Variants in SCUBE1 observed in about 807,000 individuals in gnomAD.
The protein encoded by SCUBE1 is signal peptide, CUB domain and EGF like domain containing 1.
In SCUBE1, 59 loss-of-function variants were observed where a neutral mutation model predicts 124.4. The observed-to-expected ratio is 0.47, with a 90% CI of 0.38 to 0.59. The LOEUF is 0.59. SCUBE1 is among the 20% of genes least tolerant of loss of function. SCUBE1 has a pLI of 0.00. For missense variants in SCUBE1, 1,150 were observed against 1,371.2 expected (o/e 0.84, Z 2.55); for synonymous variants, 545 against 550.9 (o/e 0.99, Z 0.15).
chr22:43,300,769 C>T (rs1430424414), intron 3 of SCUBE1, among the ~76,000 whole-genome samples: 2 of 152,050 alleles, frequency 1.3e-5, no homozygotes, highest in East Asian at 3.9e-4. Flanking sequence ...CAGGCTCTTC[C>T]CTCGCCCCCA....
intron 3 of SCUBE1, among the ~76,000 whole-genome samples, 178 bp downstream of exon 3, chr22:43,319,759 G>A (rs776356985): frequency 6.6e-5 from 10 of 152,058 alleles, no homozygotes; most frequent in Non-Finnish European, 2.9e-5. Flanking sequence ...GAACTGCGAG[G>A]CAATACACTT....
At chr22:43,209,055 C>T (rs959837388) in intron 19 of SCUBE1, among the ~76,000 whole-genome samples, 5 of 152,236 alleles carry the variant, frequency 3.3e-5, no homozygotes, top group Admixed American at 6.5e-5. Context: ...TGGTCCCAGG[C>T]CGGTCCCTTG....
intron 3 of SCUBE1, among the ~76,000 whole-genome samples, chr22:43,307,162 T>C (rs1048410089): frequency 5.9e-5 from 9 of 152,172 alleles, no homozygotes; most frequent in African/African-American, 2.2e-4. Flanking sequence ...GGAAGAGAGA[T>C]CTCCCCTGAG....
intron 3 of SCUBE1, among the ~76,000 whole-genome samples, chr22:43,309,764 C>T (rs1289263505): frequency 1.3e-5 from 2 of 152,130 alleles, no homozygotes; most frequent in Non-Finnish European, 2.9e-5. Context: ...AGCAGCAGAG[C>T]CCCTAGAAAC....
intron 1 of SCUBE1, among the ~76,000 whole-genome samples, chr22:43,342,163 C>G (rs977341784): frequency 1.1e-4 from 16 of 146,734 alleles, no homozygotes; most frequent in Admixed American, 4.2e-4. Context: ...CCAAGCAGAG[C>G]ACCGGAGGAA....
At chr22:43,222,826 G>T in intron 11 of SCUBE1, 84 bp from the exon 12 acceptor site, 3 of 1,129,932 alleles carry the variant, frequency 2.7e-6, no homozygotes, top group Non-Finnish European at 2.6e-6. Flanking sequence ...GAGGGATTGT[G>T]GAGTGAGACG....
intron 3 of SCUBE1, among the ~76,000 whole-genome samples, chr22:43,300,113 C>T (rs75771837): frequency 0.011 from 1,692 of 152,242 alleles, 30 homozygotes; most frequent in African/African-American, 0.038. Context: ...TGGGGGTATA[C>T]GCCTTCAGCT....
chr22:43,315,496 G>A (rs1926312910), intron 3 of SCUBE1, among the ~76,000 whole-genome samples: 1 of 152,190 alleles, frequency 6.6e-6, no homozygotes, highest in South Asian at 2.1e-4. Flanking sequence ...TGAGGGAGCT[G>A]AGACTCCAAG....
intron 3 of SCUBE1, among the ~76,000 whole-genome samples, chr22:43,314,770 T>C (rs1034236266): frequency 3.9e-5 from 6 of 152,180 alleles, no homozygotes; most frequent in Admixed American, 2.6e-4. Context: ...GAGCAGGCAT[T>C]GCCCATGCTA....
intron 4 of SCUBE1, among the ~76,000 whole-genome samples, chr22:43,276,810 C>T (rs1039874548): frequency 3.3e-5 from 5 of 152,242 alleles, no homozygotes; most frequent in Non-Finnish European, 7.3e-5. Context: ...TGACAGGACA[C>T]ATGGTGTTTC....
chr22:43,281,537 CAG>C (rs1569011046), intron 4 of SCUBE1, among the ~76,000 whole-genome samples: 926 of 67,450 alleles, frequency 0.014, 41 homozygotes, highest in East Asian at 0.12. Context: ...TCACCTCCCT[CAG>C]TCACCCTCCT....
At chr22:43,245,795 C>A (rs750867192) in intron 6 of SCUBE1, among the ~76,000 whole-genome samples, 7 of 152,240 alleles carry the variant, frequency 4.6e-5, no homozygotes, top group Non-Finnish European at 1.0e-4. Context: ...ACCTGAGAAC[C>A]GTGCTGCTTG....
intron 1 of SCUBE1, 54 bp from the exon 2 acceptor site, chr22:43,339,289 T>C: frequency 6.3e-7 from 1 of 1,579,854 alleles, no homozygotes. Flanking sequence ...CCAGGGCAGG[T>C]GGCCGATAGT....
At chr22:43,227,765 G>A (rs1055587310) in intron 9 of SCUBE1, among the ~76,000 whole-genome samples, 11 of 152,308 alleles carry the variant, frequency 7.2e-5, no homozygotes, top group Admixed American at 2.6e-4. Flanking sequence ...GGCAGAGGAG[G>A]TAGCACACGA....
Position 43,218,463 on chromosome 22 carries a change from A to G in SCUBE1, c.1688-5T>C. ...AGCAGTCCGCTTCGCATGTGTCTGC[A>G]GGGGCAGGAGAGACAGAACATGAAT... On this transcript the variant is annotated splice_polypyrimidine_tract_variant and splice_region_variant and intron_variant, in intron 14 of 21. Coordinates refer to ENST00000360835, the MANE Select transcript of SCUBE1 (RefSeq NM_173050.5). 6.2e-7 allele frequency: 1 copy of G among 1,608,672 alleles called. No homozygotes were observed. The highest frequency in any genetic ancestry group is 1.1e-5 in the South Asian group (1 of 91,074).
intron 14 of SCUBE1, among the ~76,000 whole-genome samples, chr22:43,219,569 G>A (rs892607454): frequency 6.6e-6 from 1 of 151,444 alleles, no homozygotes; most frequent in African/African-American, 2.4e-5. Context: ...TGCCTCCCAG[G>A]TTCAAGCGAT....
chr22:43,253,367 G>C (rs1299261611), intron 6 of SCUBE1, among the ~76,000 whole-genome samples: 2 of 152,158 alleles, frequency 1.3e-5, no homozygotes, highest in Admixed American at 1.3e-4. Context: ...GCCCGGGTCT[G>C]GTTCCTAGTT....
chr22:43,343,248 G>C lies in SCUBE1; in HGVS notation c.14C>G (p.Ala5Gly). Reference protein sequence around the residue: MGAAAVRWHLCVLLA... With the variant: MGAAGVRWHLCVLLA... ...CAGCACGCACAAGTGCCAGCGCACG[G>C]CCGCCGCGCCCATGCTCAATGCGGG... is the stretch of plus-strand genomic sequence containing the variant. The change falls in exon 1 of 22, where the codon GCC (alanine) becomes GGC (glycine). Residue 5 changes from alanine to glycine, a missense_variant. This residue lies in a region of SCUBE1 where 56 missense variants were observed against 48.1 expected (regional missense o/e 1.16). Transcript: ENST00000360835. The C allele has an allele frequency of 8.4e-7, 1 of 1,183,670 alleles. No homozygotes were observed. The highest frequency in any genetic ancestry group is 4.8e-5 in the East Asian group (1 of 20,804). 73.3% of individuals were successfully genotyped at this position (1,183,670 alleles called of 1,614,324 possible).
chr22:43,221,858 G>A (rs1922104584), intron 12 of SCUBE1, among the ~76,000 whole-genome samples: 1 of 152,176 alleles, frequency 6.6e-6, no homozygotes, highest in African/African-American at 2.4e-5. Context: ...GAGGTCAGGA[G>A]TTCCAGACTA....
Sources: allele counts gnomAD v4.1 joint callset (sites outside exome capture counted in the v4.1 genomes callset), GRCh38; gene constraint gnomAD v4.1.1; regional missense constraint gnomAD v4.1.1; transcripts MANE v1.5; gene names NCBI Gene and HGNC (gene_info 2026-07-23, HGNC 2026-07-21).